Variants in GREP1 observed in about 807,000 individuals in gnomAD.
GREP1 encodes glycine-rich extracellular protein 1.
At chr16:3,001,230 G>A (rs1350330401) in intron 33 of GREP1, 51 bp from the exon 28 acceptor site, 6 of 399,062 alleles carry the variant, frequency 1.5e-5, no homozygotes, top group Admixed American at 8.8e-5. Flanking sequence ...TGGGGTGGAC[G>A]GAAGCTCTCT....
chr16:2,995,400 A>G lies in GREP1; in HGVS notation c.518-2A>G, dbSNP rs1482736299. 5.0e-6 allele frequency: 2 copies of G among 398,326 alleles called. No homozygotes were observed. Among genetic ancestry groups the G allele is most frequent in the African/African-American group, 2.1e-5 (1 of 48,460 alleles). 24.7% of individuals were successfully genotyped at this position (398,326 alleles called of 1,614,324 possible). A position where few individuals can be genotyped will look rare whatever the true frequency, so the allele number is the denominator to read the frequency against. ...TCACCCCCACCTCCATCTGTCCCCC[A>G]GGATTAGGGAATGGGAATGGGCTGA... On this transcript the variant is annotated splice_acceptor_variant, in intron 14 of 34. Coordinates refer to ENST00000573315, the Ensembl canonical transcript of GREP1. LOFTEE classifies it high-confidence loss of function.
chr16:2,994,336 C>T (rs372775993), intron 10 of GREP1: 94 of 159,498 alleles, frequency 5.9e-4, no homozygotes, highest in Middle Eastern at 6.0e-3. Flanking sequence ...GGTGAAACTC[C>T]GTCTCTACTA....
At chr16:2,999,540 A>C (rs1464145451) in intron 27 of GREP1, among the ~76,000 whole-genome samples, 2 of 135,232 alleles carry the variant, frequency 1.5e-5, no homozygotes, top group Non-Finnish European at 3.0e-5. Context: ...GCTGGAATGC[A>C]GTGGTGCAAT....
Position 2,995,663 on chromosome 16 carries a change from A to G in GREP1, c.589+9A>G. On this transcript the variant is annotated intron_variant, in intron 16 of 34. Coordinates refer to ENST00000573315, the Ensembl canonical transcript of GREP1. Reference sequence around the variant, plus strand: ...ATTTGGATTTGGAGCAGGTAGGAGCAGGGGTGGGGAGGGGCTGGGGGAGAA... The same window carrying G: ...ATTTGGATTTGGAGCAGGTAGGAGCGGGGGTGGGGAGGGGCTGGGGGAGAA... The G allele has an allele frequency of 5.3e-6, 2 of 376,502 alleles. No homozygotes were observed. The highest frequency in any genetic ancestry group is 4.6e-5 in the Admixed American group (1 of 21,946). The allele number at this position is 376,502 out of a possible 1,614,324, so 23.3% of individuals were successfully genotyped here. A position where few individuals can be genotyped will look rare whatever the true frequency, so the allele number is the denominator to read the frequency against.
chr16:2,990,038 TC>T, intron 4 of GREP1, 32 bp downstream of exon 4: 1 of 399,282 alleles, frequency 2.5e-6, no homozygotes, highest in Non-Finnish European at 4.4e-6. Context: ...GCTCTTTGTC[TC>T]CCCCTCTTTC....
intron 21 of GREP1, chr16:2,997,323 C>G: frequency 2.5e-6 from 1 of 398,558 alleles, no homozygotes; most frequent in Non-Finnish European, 4.4e-6. Flanking sequence ...AAAGGGGATC[C>G]AAAGGCCCTT....
intron 14 of GREP1, 46 bp downstream of exon 15, chr16:2,995,362 C>A: frequency 2.5e-6 from 1 of 398,920 alleles, no homozygotes; most frequent in Middle Eastern, 6.3e-4. Context: ...TGTTCAGAGC[C>A]CCCTTCCCCC....
intron 10 of GREP1, chr16:2,993,468 C>T (rs894690015): frequency 2.0e-5 from 3 of 151,636 alleles, no homozygotes; most frequent in African/African-American, 7.3e-5. Flanking sequence ...CATTCCCAAG[C>T]TGGTCTTGAA....
At chr16:3,001,600 C>T (rs545627356) in exon 35 of GREP1, 3 of 399,210 alleles carry the variant, frequency 7.5e-6, no homozygotes, top group Non-Finnish European at 4.4e-6. Flanking sequence ...CTGCAATGCC[C>T]CTCGCCTGCC....
rs527923615 is a variant in GREP1, at chr16:2,991,722, G to C, written c.322+621G>C. On this transcript the variant is annotated intron_variant, in intron 8 of 34. Transcript: ENST00000573315. This position sits in a 1 kb window ranked among gnomAD's most constrained non-coding sequence, Gnocchi z 4.9. ...GTGGCCTGCCAATGCCATTCCTGTG[G>C]GTGGGGACTCCTGTGGAGGCCTCTG... 1 of 152,526 alleles carries C rather than the reference G, an allele frequency of 6.6e-6. No individual in the cohort carries two copies. The highest frequency in any genetic ancestry group is 2.4e-5 in the African/African-American group (1 of 41,436). The allele number at this position is 152,526 out of a possible 1,614,324, so 9.4% of individuals were successfully genotyped here. A position where few individuals can be genotyped will look rare whatever the true frequency, so the allele number is the denominator to read the frequency against.
Position 2,992,699 on chromosome 16 carries a change from C to T in GREP1, c.323-106C>T. On this transcript the variant is annotated intron_variant, in intron 8 of 34. Coordinates refer to ENST00000573315, the Ensembl canonical transcript of GREP1. The surrounding 1 kb of genome is among the most constrained non-coding windows in gnomAD (Gnocchi z 4.9). Reference sequence around the variant, plus strand: ...AGGGAGTTCACACAAGACAGAAAGGCAGAGGGCAGGGGTCACGCGAGACAG... The same window carrying T: ...AGGGAGTTCACACAAGACAGAAAGGTAGAGGGCAGGGGTCACGCGAGACAG... The T allele has an allele frequency of 5.0e-6, 2 of 397,288 alleles. No individual in the cohort carries two copies. Among genetic ancestry groups the T allele is most frequent in the Non-Finnish European group, 8.9e-6 (2 of 225,474 alleles). The allele number at this position is 397,288 out of a possible 1,614,324, so 24.6% of individuals were successfully genotyped here.
intron 18 of GREP1, chr16:2,996,027 G>C (rs920613374): frequency 6.1e-5 from 24 of 390,278 alleles, no homozygotes; most frequent in East Asian, 2.9e-4. Flanking sequence ...CCACCTCCTG[G>C]GTTCAAACAA....
At chr16:3,000,602 C>A in exon 32 of GREP1, 1 of 398,872 alleles carries the variant, frequency 2.5e-6, no homozygotes, top group Admixed American at 4.4e-5. Flanking sequence ...GCTCTAGCCC[C>A]TGAAGGAAAT....
chr16:2,994,613 T>G lies in GREP1; in HGVS notation c.386-85T>G, dbSNP rs185600250. The G allele has an allele frequency of 2.6e-3, 1,028 of 398,594 alleles. 5 individuals are homozygous for G. Among genetic ancestry groups the G allele is most frequent in the Non-Finnish European group, 3.5e-3 (780 of 226,086 alleles). 24.7% of individuals were successfully genotyped at this position (398,594 alleles called of 1,614,324 possible). On this transcript the variant is annotated intron_variant, in intron 10 of 34. Coordinates refer to ENST00000573315, the Ensembl canonical transcript of GREP1. ...AACCTGCCTTTCTGGCTCGTTGAAGTTGGGGGTGGGGACACCCCTGCCCGA... is the reference window on the plus strand; with the variant it reads ...AACCTGCCTTTCTGGCTCGTTGAAGGTGGGGGTGGGGACACCCCTGCCCGA...
Position 2,990,141 on chromosome 16 carries a change from C to T in GREP1, c.199+19C>T, listed in dbSNP as rs2072391119. On this transcript the variant is annotated intron_variant, in intron 5 of 34. Coordinates refer to ENST00000573315, the Ensembl canonical transcript of GREP1. ...CAGCCAGGTGAGAGCCGTGGGGTCC[C>T]CTCCTTCCCTCCCTCCCAGGCCTCA... 2 of 398,964 alleles carry T rather than the reference C, an allele frequency of 5.0e-6. No homozygotes were observed. Among genetic ancestry groups the T allele is most frequent in the South Asian group, 2.5e-4 (2 of 7,866 alleles). The allele number at this position is 398,964 out of a possible 1,614,324, so 24.7% of individuals were successfully genotyped here. A position where few individuals can be genotyped will look rare whatever the true frequency, so the allele number is the denominator to read the frequency against.
rs1017029479 is a variant in GREP1 at position 2,989,625 on chromosome 16, G to A, written c.130+73G>A. 7 of 399,514 alleles carry A rather than the reference G, an allele frequency of 1.8e-5. No homozygotes were observed. The highest frequency in any genetic ancestry group is 1.4e-4 in the African/African-American group (7 of 48,510). 24.7% of individuals were successfully genotyped at this position (399,514 alleles called of 1,614,324 possible). On this transcript the variant is annotated intron_variant, in intron 3 of 34. Transcript: ENST00000573315. The surrounding 1 kb of genome is among the most constrained non-coding windows in gnomAD (Gnocchi z 4.2). ...GCAGGGGGGAGGCAGGACAGGAACA[G>A]GGAAAGCTGGGCGGGGGGCAGGTAA...
At chr16:3,001,562 C>T in exon 35 of GREP1, 1 of 399,198 alleles carries the variant, frequency 2.5e-6, no homozygotes, top group East Asian at 3.6e-5. Flanking sequence ...TCTTCCCAGG[C>T]CGCTGCCCTC....
chr16:2,999,312 T>C, intron 27 of GREP1: 1 of 398,798 alleles, frequency 2.5e-6, no homozygotes, highest in East Asian at 3.6e-5. Context: ...TGTGAGTCTG[T>C]CTGCCCCCAG....
chr16:3,000,502 G>A (rs1449125492), intron 31 of GREP1: 2 of 399,134 alleles, frequency 5.0e-6, no homozygotes, highest in African/African-American at 4.1e-5. Context: ...GCAGTGGAGT[G>A]GGGGAGACAA....
Sources: allele counts gnomAD v4.1 joint callset (sites outside exome capture counted in the v4.1 genomes callset), GRCh38; gene constraint gnomAD v4.1.1; non-coding constraint Gnocchi (gnomAD v3.1); transcripts MANE v1.5; gene names NCBI Gene and HGNC (gene_info 2026-07-23, HGNC 2026-07-21).